Variants in SAMD3 observed in about 807,000 individuals in gnomAD.
SAMD3 encodes sterile alpha motif domain containing 3.
SAMD3 carries 63 observed loss-of-function variants against 58.5 expected under a neutral mutation model. That is an observed-to-expected ratio of 1.08 (90% CI 0.88 to 1.33). SAMD3 has a LOEUF of 1.33. Ranked by LOEUF, SAMD3 falls within the 40% of genes most tolerant of loss-of-function variation. SAMD3 has a pLI of 0.00. For missense variants in SAMD3, 604 were observed against 608.4 expected, an observed-to-expected ratio of 0.99 and a Z score of 0.08; for synonymous variants, 220 against 210.3, an observed-to-expected ratio of 1.05 and a Z score of -0.40.
intron 1 of SAMD3, among the ~76,000 whole-genome samples, chr6:130,324,898 G>T (rs1776705934): frequency 6.6e-6 from 1 of 152,016 alleles, no homozygotes; most frequent in African/African-American, 2.4e-5. Context: ...CACACTGTGA[G>T]GCTGCAGTCC....
At chr6:130,308,359 T>TATTCA (rs1775984960) in intron 2 of SAMD3, among the ~76,000 whole-genome samples, 1 of 24,278 alleles carries the variant, frequency 4.1e-5, no homozygotes, top group Non-Finnish European at 9.2e-5. Context: ...AATTCTATTC[T>TATTCA]ATTCTATTCT....
intron 2 of SAMD3, among the ~76,000 whole-genome samples, chr6:130,278,863 G>A (rs569947972): frequency 3.3e-4 from 50 of 152,302 alleles, no homozygotes; most frequent in African/African-American, 1.2e-3. Flanking sequence ...ACCTTAGCTT[G>A]AGTGTATCAC....
At chr6:130,259,605 T>A (rs1178230030) in intron 2 of SAMD3, among the ~76,000 whole-genome samples, 1 of 152,132 alleles carries the variant, frequency 6.6e-6, no homozygotes, top group Non-Finnish European at 1.5e-5. Flanking sequence ...ATACAGTGAA[T>A]AGAAACAGGC....
intron 8 of SAMD3, among the ~76,000 whole-genome samples, chr6:130,173,555 C>T (rs71572906): frequency 0.095 from 14,441 of 152,214 alleles, 1,095 homozygotes; most frequent in African/African-American, 0.21. Context: ...CTGGAAGCTT[C>T]GTCCCAGAGG....
At chr6:130,364,409 C>A (rs1778070627) in intron 1 of SAMD3, among the ~76,000 whole-genome samples, 2 of 152,066 alleles carry the variant, frequency 1.3e-5, no homozygotes, top group Non-Finnish European at 2.9e-5. Flanking sequence ...ATTCCTATTA[C>A]TCACTCCTTA....
At position 130,184,458 on chromosome 6, in the gene SAMD3, A is replaced by C; in HGVS notation, c.549T>G (p.Thr183=). 1 of 1,614,042 alleles carries C rather than the reference A, an allele frequency of 6.2e-7. No individual in the cohort carries two copies. The change falls in exon 6 of 12, where the codon ACT becomes ACG. Residue 183 remains threonine, a synonymous_variant. Coordinates refer to ENST00000439090, the MANE Select transcript of SAMD3 (RefSeq NM_001017373.4). ...CTCACAGTGAGCCTTCCAGATACTT[A>C]GTCATGTCGGCCTGGAGAAACTCAA... ...RIIEFLQADM[T]KYLEGSLYPS... is the part of the protein sequence containing the mutation.
chr6:130,316,159 C>T (rs9492539), intron 1 of SAMD3, among the ~76,000 whole-genome samples: 64,529 of 151,542 alleles, frequency 0.43, 15,349 homozygotes, highest in African/African-American at 0.64. Context: ...GGTGTGGTGG[C>T]AGTCGCCTGT....
Position 130,215,067 on chromosome 6 carries a change from T to G in SAMD3, c.79+128A>C, listed in dbSNP as rs547314444. 9.5e-6 allele frequency: 5 copies of G among 528,056 alleles called. No individual in the cohort carries two copies. The East Asian group carries it at 1.2e-4, about 13-fold the overall frequency. 32.7% of individuals were successfully genotyped at this position (528,056 alleles called of 1,614,324 possible). ...CATAAAGAAATGAAAAGTTCTCTACTGCAGCAACCCCACATCCACATTGAC... is the reference window on the plus strand; with the variant it reads ...CATAAAGAAATGAAAAGTTCTCTACGGCAGCAACCCCACATCCACATTGAC... On this transcript the variant is annotated intron_variant, in intron 3 of 11. Coordinates refer to ENST00000439090, the MANE Select transcript of SAMD3 (RefSeq NM_001017373.4).
intron 2 of SAMD3, among the ~76,000 whole-genome samples, chr6:130,263,823 G>A (rs111909777): frequency 9.9e-5 from 15 of 152,118 alleles, no homozygotes; most frequent in Admixed American, 2.6e-4. Context: ...GGGAGATTTC[G>A]ATAAAGACCC....
intron 1 of SAMD3, among the ~76,000 whole-genome samples, chr6:130,331,392 T>G (rs546847812): frequency 3.9e-5 from 6 of 152,238 alleles, no homozygotes; most frequent in Non-Finnish European, 7.4e-5. Flanking sequence ...TCTGAGTTGA[T>G]GAGGAAAGTC....
At chr6:130,365,813 G>C (rs2115053817), upstream of SAMD3, 2 of 985,584 alleles carry the variant, frequency 2.0e-6, no homozygotes. Context: ...GGCCGGCCTG[G>C]GCTCCTGCAG....
intron 1 of SAMD3, among the ~76,000 whole-genome samples, chr6:130,319,972 G>A (rs895169633): frequency 7.3e-5 from 11 of 151,516 alleles, no homozygotes; most frequent in African/African-American, 2.4e-4. Context: ...AAAATGAATT[G>A]CAAAGAGAAA....
chr6:130,273,015 T>C (rs138048647), intron 2 of SAMD3, among the ~76,000 whole-genome samples: 315 of 152,234 alleles, frequency 2.1e-3, no homozygotes, highest in African/African-American at 7.3e-3. Context: ...ATAGTATTGT[T>C]CAAGTGTGCT....
intron 1 of SAMD3, chr6:130,365,088 C>T (rs762599793): frequency 4.2e-5 from 33 of 790,086 alleles, no homozygotes; most frequent in Non-Finnish European, 4.5e-5. Flanking sequence ...TTGGAATATC[C>T]GGTAATTAGT....
chr6:130,284,617 T>A (rs910205854), intron 2 of SAMD3, among the ~76,000 whole-genome samples: 16 of 152,214 alleles, frequency 1.1e-4, no homozygotes, highest in African/African-American at 3.4e-4. Flanking sequence ...AATAAAATTG[T>A]CTTTATAAGG....
intron 2 of SAMD3, among the ~76,000 whole-genome samples, chr6:130,276,557 A>G (rs1282632233): frequency 6.6e-6 from 1 of 152,184 alleles, no homozygotes; most frequent in East Asian, 1.9e-4. Context: ...TGTTATTTAA[A>G]CAAGTATGGA....
chr6:130,153,154 A>T (rs1029512595), intron 9 of SAMD3, among the ~76,000 whole-genome samples: 19 of 152,210 alleles, frequency 1.2e-4, no homozygotes, highest in Middle Eastern at 3.4e-3. Flanking sequence ...ACATGTAAGG[A>T]GTGTATAGAC....
At chr6:130,338,189 C>A (rs1156240882) in intron 1 of SAMD3, among the ~76,000 whole-genome samples, 1 of 152,228 alleles carries the variant, frequency 6.6e-6, no homozygotes, top group Non-Finnish European at 1.5e-5. Flanking sequence ...CAGCTTGGAC[C>A]ATTGCTTCAG....
At chr6:130,279,731 C>T (rs1184365701) in intron 2 of SAMD3, among the ~76,000 whole-genome samples, 3 of 152,038 alleles carry the variant, frequency 2.0e-5, no homozygotes, top group Non-Finnish European at 2.9e-5. Context: ...GTGACCCACC[C>T]GCCTCGGCCT....
Sources: allele counts gnomAD v4.1 joint callset (sites outside exome capture counted in the v4.1 genomes callset), GRCh38; gene constraint gnomAD v4.1.1; transcripts MANE v1.5; gene names NCBI Gene and HGNC (gene_info 2026-07-23, HGNC 2026-07-21).